ADGRL2: variants seen among roughly 807,000 people sequenced by gnomAD.
ADGRL2 encodes calcium-independent alpha-latrotoxin receptor 2.
ADGRL2 carries 44 observed loss-of-function variants against 157.4 expected under a neutral mutation model. That is an observed-to-expected ratio of 0.28 (90% confidence interval 0.22 to 0.36). The LOEUF (loss-of-function observed/expected upper bound fraction) is 0.36. Ranked by LOEUF, ADGRL2 falls within the 10% of genes least tolerant of loss-of-function variation. ADGRL2 has a pLI of 1.00. For missense variants in ADGRL2, 1,510 were observed against 1,768.9 expected (o/e 0.85, Z 2.63); for synonymous variants, 585 against 624.7 (o/e 0.94, Z 0.95).
chr1:81,792,676 T>C (rs2149423764), intron 2 of ADGRL2, among the ~76,000 whole-genome samples: 1 of 152,290 alleles, frequency 6.6e-6, no homozygotes, highest in Non-Finnish European at 1.5e-5. Context: ...GCTTATTTTC[T>C]ATATACATAA....
chr1:81,863,856 A>C (rs2150844302), intron 2 of ADGRL2, among the ~76,000 whole-genome samples: 1 of 152,282 alleles, frequency 6.6e-6, no homozygotes, highest in East Asian at 1.9e-4. Context: ...ACAACACCCT[A>C]GATAGACTCT....
rs201109353 is a variant in ADGRL2 at position 81,955,978 on chromosome 1, C to G, written c.1935C>G (p.Leu645=). The change falls in exon 11 of 24, where the codon CTC becomes CTG. Residue 645 remains leucine, a synonymous_variant. Coordinates refer to ENST00000686636, the MANE Select transcript of ADGRL2 (RefSeq NM_001366006.2). ...SEQAHTATML[L]DTLEEGAFVL... is the part of the protein sequence containing the mutation. ...AAGCACATACTGCAACAATGTTACT[C>G]GATACATTGGAAGAAGGAGCTTTTG... 4 of 1,609,690 alleles carry G rather than the reference C, an allele frequency of 2.5e-6. No homozygotes were observed. The highest frequency in any genetic ancestry group is 3.4e-6 in the Non-Finnish European group (4 of 1,177,332).
At chr1:81,399,992 G>T (rs886827354) in intron 1 of ADGRL2, among the ~76,000 whole-genome samples, 1 of 151,484 alleles carries the variant, frequency 6.6e-6, no homozygotes, top group Non-Finnish European at 1.5e-5. Flanking sequence ...GGTTGGGAAA[G>T]GTGTAGTGAC....
intron 2 of ADGRL2, among the ~76,000 whole-genome samples, chr1:81,481,683 C>T (rs1210877137): frequency 2.0e-5 from 3 of 152,118 alleles, no homozygotes; most frequent in Non-Finnish European, 4.4e-5. Context: ...AATGAGGTTA[C>T]AATGTTCCCT....
At chr1:81,680,606 T>G (rs761394999) in intron 3 of ADGRL2, among the ~76,000 whole-genome samples, 1 of 152,040 alleles carries the variant, frequency 6.6e-6, no homozygotes, top group Non-Finnish European at 1.5e-5. Flanking sequence ...AAAGGCAGCC[T>G]TCTTCTACTT....
intron 3 of ADGRL2, among the ~76,000 whole-genome samples, chr1:81,661,999 T>C (rs2082660947): frequency 1.3e-5 from 2 of 152,160 alleles, no homozygotes; most frequent in South Asian, 4.1e-4. Context: ...TTAAGAGTTT[T>C]TTTTTTAATT....
chr1:81,414,266 C>A (rs1357958212), intron 1 of ADGRL2: 3 of 152,190 alleles, frequency 2.0e-5, no homozygotes, highest in African/African-American at 7.2e-5. Flanking sequence ...GAACTGGATG[C>A]TCTACATAGC....
At chr1:81,512,686 A>G (rs2079100754) in intron 2 of ADGRL2, among the ~76,000 whole-genome samples, 1 of 152,194 alleles carries the variant, frequency 6.6e-6, no homozygotes, top group Admixed American at 6.6e-5. Context: ...AAATCTTCCC[A>G]GTAGGGGGAA....
intron 6 of ADGRL2, among the ~76,000 whole-genome samples, chr1:81,946,662 A>G (rs1649956646): frequency 6.6e-6 from 1 of 152,144 alleles, no homozygotes. Context: ...ATACCAGGAA[A>G]AAATTTTTAT....
intron 2 of ADGRL2, among the ~76,000 whole-genome samples, chr1:81,850,308 G>C (rs373440736): frequency 1.2e-4 from 18 of 148,296 alleles, no homozygotes; most frequent in Admixed American, 6.8e-5. Flanking sequence ...AGTTCTCTTC[G>C]TTGTCTTCTT....
At position 81,509,797 on chromosome 1, in the gene ADGRL2, C is replaced by A. The variant is rs1287259875; in HGVS notation, c.-248+64708C>A. On this transcript the variant is annotated intron_variant, in intron 2 of 24. Coordinates refer to the ADGRL2 transcript ENST00000370721. Reference sequence around the variant, plus strand: ...CGCTCTATTGAATTGTTTGCACCAGCCATTTCTTGTGTGCAAACAGGAGGA... The same window carrying A: ...CGCTCTATTGAATTGTTTGCACCAGACATTTCTTGTGTGCAAACAGGAGGA... Among the ~76,000 whole-genome samples, 12 of 152,152 alleles carry A rather than the reference C, an allele frequency of 7.9e-5. 1 individual carries two copies. Among genetic ancestry groups the A allele is most frequent in the Non-Finnish European group, 2.9e-5 (2 of 68,030 alleles).
chr1:81,816,137 T>A (rs2149755361), intron 1 of ADGRL2, among the ~76,000 whole-genome samples: 1 of 151,868 alleles, frequency 6.6e-6, no homozygotes, highest in Admixed American at 6.6e-5. Flanking sequence ...TGCTTGTTAA[T>A]TCTGTGAAAA....
intron 1 of ADGRL2, among the ~76,000 whole-genome samples, chr1:81,351,999 C>T (rs899900357): frequency 3.3e-5 from 5 of 152,206 alleles, no homozygotes; most frequent in African/African-American, 4.8e-5. Flanking sequence ...GATGTCATAC[C>T]GGCATACACA....
rs573957983 is a variant in ADGRL2 at position 81,970,462 on chromosome 1, G to A, written c.2882G>A (p.Gly961Asp). Residue 961 changes from glycine (G) to aspartate (D), a missense_variant, in exon 16 of 24, where the codon GGT becomes GAT. Physicochemically the swap from Gly to Asp is moderately conservative, Grantham distance 94. Around this residue, in one of 4 missense-constraint regions of ADGRL2, gnomAD observed 497 missense variants for 627.2 expected, o/e 0.79. Coordinates refer to ENST00000686636, the MANE Select transcript of ADGRL2 (RefSeq NM_001366006.2). ...AGGAAAAAATATTACTATGTTGCTG[G>A]TTACTTGTTTCCTGCCACAGTGGTT... ...YSRKKYYYVA[G>D]YLFPATVVGV... The A allele has an allele frequency of 6.4e-7, 1 of 1,568,010 alleles. No homozygotes were observed. Among genetic ancestry groups the A allele is most frequent in the Admixed American group, 2.1e-5 (1 of 48,572 alleles).
intron 2 of ADGRL2, among the ~76,000 whole-genome samples, chr1:81,556,268 G>T (rs962806887): frequency 1.3e-5 from 2 of 150,258 alleles, no homozygotes; most frequent in African/African-American, 4.9e-5. Flanking sequence ...ATCATAAAAG[G>T]CCTACAACCA....
At chr1:81,426,474 GC>G in intron 1 of ADGRL2, 1 of 393,684 alleles carries the variant, frequency 2.5e-6, no homozygotes, top group South Asian at 1.9e-5. Context: ...TAAAACTGAT[GC>G]CCAGTGGCCC....
intron 2 of ADGRL2, among the ~76,000 whole-genome samples, chr1:81,873,216 A>G (rs2093743851): frequency 6.6e-6 from 1 of 152,096 alleles, no homozygotes; most frequent in Non-Finnish European, 1.5e-5. Context: ...TTGAGTATAA[A>G]TGAAACTGAA....
intron 2 of ADGRL2, among the ~76,000 whole-genome samples, chr1:81,514,379 C>T (rs956263688): frequency 6.6e-6 from 1 of 152,148 alleles, no homozygotes; most frequent in Non-Finnish European, 1.5e-5. Context: ...TTAAAACAGT[C>T]CAGTGCAACT....
chr1:81,753,929 G>A (rs2085574119), intron 1 of ADGRL2, among the ~76,000 whole-genome samples: 1 of 152,160 alleles, frequency 6.6e-6, no homozygotes, highest in South Asian at 2.1e-4. Flanking sequence ...GATGGTGCAT[G>A]TTTTGGGGGA....
Sources: allele counts gnomAD v4.1 joint callset (sites outside exome capture counted in the v4.1 genomes callset), GRCh38; gene constraint gnomAD v4.1.1; regional missense constraint gnomAD v4.1.1; transcripts MANE v1.5; gene names NCBI Gene and HGNC (gene_info 2026-07-23, HGNC 2026-07-21).